DMD: variants seen among roughly 807,000 people sequenced by gnomAD.
DMD encodes dystrophin.
In DMD, 63 loss-of-function variants were observed where a neutral mutation model predicts 330.1. The observed-to-expected ratio is 0.19, with a 90% confidence interval of 0.16 to 0.24. The LOEUF is 0.24. DMD is among the 10% of genes least tolerant of loss of function. DMD has a pLI of 1.00. For missense variants in DMD, 3,344 were observed against 2,684.1 expected, an observed-to-expected ratio of 1.25 and a Z score of -5.43; for synonymous variants, 1,223 against 959.8, an observed-to-expected ratio of 1.27 and a Z score of -5.07.
intron 62 of DMD, among the ~76,000 whole-genome samples, chrX:31,314,839 C>T (rs1459060703): frequency 9.2e-6 from 1 of 109,125 alleles, no homozygotes; most frequent in African/African-American, 3.4e-5. Flanking sequence ...TCCCTACCCC[C>T]TACTCCCCCA....
At chrX:32,803,287 T>C (rs770177988) in intron 7 of DMD, among the ~76,000 whole-genome samples, 1 of 111,850 alleles carries the variant, frequency 8.9e-6, no homozygotes, top group East Asian at 2.8e-4. Context: ...GATGGTAGTT[T>C]GTATTTCTGT....
chrX:32,559,121 T>G (rs2050708296), intron 16 of DMD, among the ~76,000 whole-genome samples: 1 of 108,695 alleles, frequency 9.2e-6, no homozygotes, highest in South Asian at 4.0e-4. Context: ...TGGCTACTTT[T>G]TTTGTATTTT....
chrX:32,362,626 C>T (rs1356808943), intron 37 of DMD, among the ~76,000 whole-genome samples, 162 bp downstream of exon 37: 2 of 110,921 alleles, frequency 1.8e-5, no homozygotes, highest in African/African-American at 6.6e-5. Flanking sequence ...TGGCGTTTAT[C>T]TCCCATTATA....
chrX:31,325,964 T>TTTTA (rs1451710208), intron 61 of DMD, among the ~76,000 whole-genome samples: 2 of 107,432 alleles, frequency 1.9e-5, no homozygotes, highest in Non-Finnish European at 3.9e-5. Flanking sequence ...TTTTTTTTTT[T>TTTTA]ATCATTCTAG....
At chrX:32,662,391 A>G (rs1602664505) in intron 9 of DMD, among the ~76,000 whole-genome samples, 1 of 112,008 alleles carries the variant, frequency 8.9e-6, no homozygotes, top group Non-Finnish European at 1.9e-5. Flanking sequence ...ATTTAAGGTA[A>G]AAGAGAAATC....
intron 7 of DMD, among the ~76,000 whole-genome samples, chrX:32,710,255 A>G (rs980071702): frequency 4.7e-5 from 5 of 107,230 alleles, no homozygotes; most frequent in Non-Finnish European, 9.7e-5. Context: ...ATTAAAGTGG[A>G]AAAAAAAAAG....
At chrX:32,668,503 C>T (rs1411318937) in intron 9 of DMD, among the ~76,000 whole-genome samples, 5 of 112,109 alleles carry the variant, frequency 4.5e-5, no homozygotes, top group Admixed American at 9.5e-5. Context: ...GGTTCCTTCG[C>T]ATCTCTGCAT....
intron 44 of DMD, chrX:32,035,545 G>C (rs2222852): frequency 0.2 from 59,973 of 303,643 alleles, 4,279 homozygotes; most frequent in East Asian, 0.31. Context: ...AATTGCATGA[G>C]AGTTCCTTAA....
intron 44 of DMD, among the ~76,000 whole-genome samples, chrX:31,976,412 T>C (rs2095436361): frequency 9.0e-6 from 1 of 111,191 alleles, no homozygotes; most frequent in Non-Finnish European, 1.9e-5. Flanking sequence ...TTATTTTTAT[T>C]GAAACGATTC....
Position 31,193,962 on chromosome X carries a change from C to A in DMD, c.9807+9999G>T, listed in dbSNP as rs765999520. On this transcript the variant is annotated intron_variant, in intron 67 of 78. Coordinates refer to ENST00000357033, the MANE Select transcript of DMD (RefSeq NM_004006.3). ...TTGGGAGGCCGAGGCAGGTGGATCA[C>A]CTGAGGTCAGGAGTTCAAGACCAGC... Among the ~76,000 whole-genome samples the A allele has an allele frequency of 7.5e-4, 83 of 111,084 alleles. 1 individual carries two copies. Among genetic ancestry groups the A allele is most frequent in the African/African-American group, 2.7e-3 (82 of 30,538 alleles).
chrX:32,819,397 C>A (rs1270470177), intron 5 of DMD, among the ~76,000 whole-genome samples: 1 of 110,990 alleles, frequency 9.0e-6, no homozygotes, highest in East Asian at 2.8e-4. Context: ...TAGCTCACCA[C>A]TGTTAGCAAG....
intron 60 of DMD, among the ~76,000 whole-genome samples, chrX:31,437,747 A>T (rs1264354217): frequency 9.2e-6 from 1 of 109,208 alleles, no homozygotes; most frequent in African/African-American, 3.3e-5. Context: ...TTCAACATGT[A>T]ATCAATATAA....
chrX:31,143,669 G>A (rs2036347712), intron 76 of DMD, among the ~76,000 whole-genome samples: 1 of 111,648 alleles, frequency 9.0e-6, no homozygotes, highest in South Asian at 3.8e-4. Context: ...GATCTTTTTA[G>A]CTCCACAGAT....
chrX:31,991,941 C>T (rs1174044755), intron 44 of DMD, among the ~76,000 whole-genome samples: 1 of 111,623 alleles, frequency 9.0e-6, no homozygotes, highest in Non-Finnish European at 1.9e-5. Context: ...CGGCAGTGAG[C>T]TCTCATGGAA....
intron 30 of DMD, among the ~76,000 whole-genome samples, chrX:32,407,794 T>G (rs1254250413): frequency 9.2e-6 from 1 of 108,672 alleles, no homozygotes; most frequent in Non-Finnish European, 1.9e-5. Flanking sequence ...TATGCAGCCA[T>G]AAAAAAGGAT....
chrX:31,709,402 A>C lies in DMD; in HGVS notation c.7660+20229T>G, dbSNP rs2084435944. Among the ~76,000 whole-genome samples, 4 of 112,060 alleles carry C rather than the reference A, an allele frequency of 3.6e-5. No homozygotes were observed. The Middle Eastern group carries it at 0.014, about 389-fold the overall frequency. Reference sequence around the variant, plus strand: ...TTTATTTTCACTTAATTTTCAATTGATTCCTTTGTTGCATTGTTTATATGG... The same window carrying C: ...TTTATTTTCACTTAATTTTCAATTGCTTCCTTTGTTGCATTGTTTATATGG... On this transcript the variant is annotated intron_variant, in intron 52 of 78. Coordinates refer to ENST00000357033, the MANE Select transcript of DMD (RefSeq NM_004006.3).
chrX:32,801,725 A>G (rs1050326413), intron 7 of DMD, among the ~76,000 whole-genome samples: 1 of 111,809 alleles, frequency 8.9e-6, no homozygotes, highest in Non-Finnish European at 1.9e-5. Flanking sequence ...TCTTCTGCAT[A>G]TGGCTAGCCA....
chrX:32,326,536 A>T (rs940587369), intron 41 of DMD, among the ~76,000 whole-genome samples: 4 of 112,998 alleles, frequency 3.5e-5, no homozygotes, highest in African/African-American at 9.6e-5. Context: ...AGCTGGTGGC[A>T]GTGGTATGTG....
chrX:31,447,270 T>C, intron 59 of DMD, among the ~76,000 whole-genome samples: 1 of 94,499 alleles, frequency 1.1e-5, no homozygotes, highest in African/African-American at 3.9e-5. Flanking sequence ...ATTTTTTTTT[T>C]TTTTTTTTTT....
Sources: gnomAD v4.1 joint callset for allele counts (sites outside exome capture counted in the v4.1 genomes callset) on GRCh38, gnomAD v4.1.1 for gene constraint, MANE v1.5 for transcripts, NCBI Gene and HGNC (gene_info 2026-07-23, HGNC 2026-07-21) for gene names.